ZFAT: variants seen among roughly 807,000 people sequenced by gnomAD.
The protein encoded by ZFAT is zinc finger protein ZFAT.
ZFAT carries 64 observed loss-of-function variants against 117.7 expected under a neutral mutation model. The observed-to-expected ratio is 0.54, with a 90% CI of 0.44 to 0.67. The LOEUF is 0.67. Ranked by LOEUF, ZFAT falls within the 30% of genes least tolerant of loss-of-function variation. The pLI, the probability that ZFAT is intolerant of heterozygous loss-of-function variation, is 0.00. For missense variants in ZFAT, 1,433 were observed against 1,584.5 expected (o/e 0.90, Z 1.62); for synonymous variants, 679 against 615.0 (o/e 1.10, Z -1.54).
chr8:134,770,797 G>A, the ZFAT span, among the ~76,000 whole-genome samples: 4 of 152,194 alleles, frequency 2.6e-5, no homozygotes, highest in African/African-American at 9.6e-5. Flanking sequence ...CCTGCGGGTA[G>A]GTCTCTAAAC....
At chr8:134,580,735 A>G (rs924061728) in intron 10 of ZFAT, among the ~76,000 whole-genome samples, 1 of 152,244 alleles carries the variant, frequency 6.6e-6, no homozygotes, top group Non-Finnish European at 1.5e-5. Context: ...AATTGAAAGG[A>G]CTGATTTCTC....
At chr8:134,522,177 G>A (rs1026913443) in intron 12 of ZFAT, among the ~76,000 whole-genome samples, 1 of 152,232 alleles carries the variant, frequency 6.6e-6, no homozygotes, top group Non-Finnish European at 1.5e-5. Context: ...CCCCAGGTAA[G>A]GAGGATGCCA....
intron 8 of ZFAT, among the ~76,000 whole-genome samples, chr8:134,590,041 T>C (rs1047966696): frequency 7.9e-5 from 12 of 152,092 alleles, no homozygotes; most frequent in Admixed American, 3.9e-4. Context: ...ATCACTGAAA[T>C]TGCAGGGGTG....
At chr8:134,585,481 T>G (rs774483371) in intron 9 of ZFAT, among the ~76,000 whole-genome samples, 12 of 152,228 alleles carry the variant, frequency 7.9e-5, no homozygotes, top group Non-Finnish European at 1.8e-4. Flanking sequence ...AGACATGCAC[T>G]GTCTCCCAGT....
intron 12 of ZFAT, 40 bp downstream of exon 12, chr8:134,532,793 AG>A (rs564732974): frequency 6.2e-7 from 1 of 1,601,154 alleles, no homozygotes; most frequent in Non-Finnish European, 8.5e-7. Flanking sequence ...TTGGCCTAAA[AG>A]GAAGCGGGCA....
intron 11 of ZFAT, among the ~76,000 whole-genome samples, chr8:134,540,003 C>T (rs371949851): frequency 7.2e-5 from 11 of 152,136 alleles, no homozygotes; most frequent in African/African-American, 2.7e-4. Flanking sequence ...AGATGGGGCA[C>T]CAAAAACACA....
At position 134,650,845 on chromosome 8, in the gene ZFAT, A is replaced by G. The variant is rs559742108; in HGVS notation, c.196+6716T>C. Among the ~76,000 whole-genome samples, 355 of 152,360 alleles carry G rather than the reference A, an allele frequency of 2.3e-3. 1 individual carries two copies. Among genetic ancestry groups the G allele is most frequent in the African/African-American group, 8.2e-3 (342 of 41,588 alleles). On this transcript the variant is annotated intron_variant, in intron 2 of 15. Coordinates refer to ENST00000377838, the MANE Select transcript of ZFAT (RefSeq NM_020863.4). ...TCAACAAATGATGTTGGGACAACTGAATAACCACATGTAAAAGAACAAATT... is the reference window on the plus strand; with the variant it reads ...TCAACAAATGATGTTGGGACAACTGGATAACCACATGTAAAAGAACAAATT...
chr8:134,602,814 G>C lies in ZFAT; in HGVS notation c.905C>G (p.Pro302Arg). 6.2e-7 allele frequency: 1 copy of C among 1,614,206 alleles called. No homozygotes were observed. Among genetic ancestry groups the C allele is most frequent in the Non-Finnish European group, 8.5e-7 (1 of 1,180,042 alleles). Residue 302 changes from proline (P) to arginine (R), a missense_variant, in exon 6 of 16, where the codon CCC (proline) becomes CGC (arginine). By Grantham distance (103) the Pro-to-Arg change is moderately radical. Around this residue, in one of 5 missense-constraint regions of ZFAT, gnomAD observed 436 missense variants for 482.0 expected, o/e 0.90. Transcript: ENST00000377838. ...GATGGCACTGGCATAGCTGCACTGG[G>C]GGCACTTGTATGGCTTTTCATTGGT... ...IHTNEKPYKC[P>R]QCSYASAIKA...
chr8:134,597,159 C>CA (rs151010189), intron 7 of ZFAT, among the ~76,000 whole-genome samples: 2,005 of 151,654 alleles, frequency 0.013, 21 homozygotes, highest in Non-Finnish European at 0.022. Context: ...ATTATCAGAT[C>CA]AAAAGAGTCT....
chr8:134,658,153 T>A (rs546608075), intron 1 of ZFAT, among the ~76,000 whole-genome samples: 1 of 152,050 alleles, frequency 6.6e-6, no homozygotes. Flanking sequence ...CTGGCTAACA[T>A]GGTGAAATCT....
intron 2 of ZFAT, among the ~76,000 whole-genome samples, chr8:134,656,816 C>G (rs1272496704): frequency 6.6e-6 from 1 of 152,132 alleles, no homozygotes; most frequent in Non-Finnish European, 1.5e-5. Context: ...AGCGGTTCCT[C>G]ATGTGCTATA....
chr8:134,752,712 A>T, the ZFAT span, among the ~76,000 whole-genome samples: 2 of 152,136 alleles, frequency 1.3e-5, no homozygotes, highest in African/African-American at 4.8e-5. Context: ...GTGAGAACTC[A>T]CTTCCAAGCT....
intron 1 of ZFAT, among the ~76,000 whole-genome samples, chr8:134,692,089 A>G (rs12682625): frequency 6.6e-6 from 1 of 152,094 alleles, no homozygotes; most frequent in East Asian, 1.9e-4. Flanking sequence ...CTCCCACCTC[A>G]GCCTCCCAAA....
chr8:134,478,715 C>T lies in ZFAT; in HGVS notation c.3499G>A (p.Glu1167Lys), dbSNP rs187568306. The change falls in exon 16 of 16, where the codon GAG becomes AAG. Residue 1167 changes from glutamate (E) to lysine (K), a missense_variant. Coordinates refer to ENST00000377838, the MANE Select transcript of ZFAT (RefSeq NM_020863.4). This position sits in a 1 kb window ranked among gnomAD's most constrained non-coding sequence, Gnocchi z 5.2. ...GTVTVVKQVT[E>K]EEPSSNHTVM... ...GTGTGGTTGGAGCTGGGCTCCTCCT[C>T]GGTGACCTGCGGGAGGAGGGCAAGA... The T allele has an allele frequency of 1.3e-5, 20 of 1,559,726 alleles. No individual in the cohort carries two copies. The Admixed American group carries it at 1.9e-4, about 15-fold the overall frequency.
intron 1 of ZFAT, among the ~76,000 whole-genome samples, chr8:134,703,944 A>C (rs1463857774): frequency 6.6e-6 from 1 of 152,214 alleles, no homozygotes; most frequent in Non-Finnish European, 1.5e-5. Flanking sequence ...GTCCCCTGCC[A>C]TATGCCAGGT....
the ZFAT span, among the ~76,000 whole-genome samples, chr8:134,776,019 T>C: frequency 3.4e-4 from 52 of 152,254 alleles, no homozygotes; most frequent in Non-Finnish European, 7.1e-4. Flanking sequence ...ATCTTTATGA[T>C]AGCCAAAGCT....
chr8:134,781,662 TAA>T, the ZFAT span, among the ~76,000 whole-genome samples: 15 of 152,050 alleles, frequency 9.9e-5, no homozygotes, highest in African/African-American at 3.4e-4. Flanking sequence ...TTTTGGAAAA[TAA>T]AAGTTACACC....
chr8:134,498,920 A>G (rs376054964), intron 15 of ZFAT, among the ~76,000 whole-genome samples: 6 of 14,212 alleles, frequency 4.2e-4, no homozygotes, highest in African/African-American at 8.0e-4. Context: ...TTGGGGTGGA[A>G]CTGGGATGCC....
chr8:134,605,343 G>C lies in ZFAT; in HGVS notation c.786-2410C>G, dbSNP rs535915955. 1.8e-4 allele frequency among the ~76,000 whole-genome samples: 28 copies of C among 152,134 alleles called. No homozygotes were observed. The South Asian group carries it at 5.4e-3, about 29-fold the overall frequency. On this transcript the variant is annotated intron_variant, in intron 5 of 15. Coordinates refer to ENST00000377838, the MANE Select transcript of ZFAT (RefSeq NM_020863.4). ...GGGCGGATCACAAGGTCAGGAGATC[G>C]AGACCATCCTGGCTAACACGGTGAA...
Sources: gnomAD v4.1 joint callset for allele counts (sites outside exome capture counted in the v4.1 genomes callset) on GRCh38, gnomAD v4.1.1 for gene constraint, gnomAD v4.1.1 regional missense constraint, Gnocchi (gnomAD v3.1) non-coding constraint, MANE v1.5 for transcripts, NCBI Gene and HGNC (gene_info 2026-07-23, HGNC 2026-07-21) for gene names.